NFIA: variants seen among roughly 807,000 people sequenced by gnomAD.
NFIA encodes the protein nuclear factor I A.
Under a neutral mutation model 62.8 loss-of-function variants are expected in NFIA, and 8 were observed. The observed-to-expected ratio is 0.13, with a 90% CI of 0.07 to 0.23. NFIA has a LOEUF of 0.23. Among genes scored for constraint, NFIA ranks in the 10% least tolerant of loss-of-function variants. The pLI is 1.00. For synonymous variants in NFIA, 235 were observed against 238.1 expected, an observed-to-expected ratio of 0.99 and a Z score of 0.12; for missense variants, 410 against 642.1, an observed-to-expected ratio of 0.64 and a Z score of 3.91.
At chr1:61,432,898 C>T (rs544807794) in intron 10 of NFIA, among the ~76,000 whole-genome samples, 107 of 152,234 alleles carry the variant, frequency 7.0e-4, no homozygotes, top group Admixed American at 1.8e-3. Context: ...CCTACACTCG[C>T]TGCAGTACTC....
At chr1:61,376,294 A>G (rs1664146346) in intron 6 of NFIA, among the ~76,000 whole-genome samples, 1 of 152,192 alleles carries the variant, frequency 6.6e-6, no homozygotes. Flanking sequence ...AACAAGTCTT[A>G]AGAGAAGAAT....
At position 61,347,791 on chromosome 1, in the gene NFIA, T is replaced by A. The variant is rs150325993; in HGVS notation, c.701-4659T>A. Among the ~76,000 whole-genome samples, 633 of 152,352 alleles carry A rather than the reference T, an allele frequency of 4.2e-3. 2 individuals are homozygous for A. The highest frequency in any genetic ancestry group is 0.014 in the African/African-American group (586 of 41,586). ...GACAGAGACACTGTGTATCTTTTTA[T>A]CATTTCAAGTTTAAGACAAATACTA... On this transcript the variant is annotated intron_variant, in intron 4 of 10. Coordinates refer to ENST00000403491, the MANE Select transcript of NFIA (RefSeq NM_001134673.4).
intron 2 of NFIA, among the ~76,000 whole-genome samples, chr1:61,189,494 CT>C (rs1348052871): frequency 6.6e-6 from 1 of 151,934 alleles, no homozygotes; most frequent in Non-Finnish European, 1.5e-5. Flanking sequence ...GTGAAACCCC[CT>C]CTCTACTAAA....
chr1:61,253,367 G>A (rs989194284), intron 2 of NFIA: 6 of 152,226 alleles, frequency 3.9e-5, no homozygotes, highest in African/African-American at 1.4e-4. Context: ...TAGGGCACTT[G>A]ACCAAATACA....
intron 2 of NFIA, among the ~76,000 whole-genome samples, chr1:61,197,888 G>A (rs935846627): frequency 3.3e-5 from 5 of 152,104 alleles, no homozygotes; most frequent in Non-Finnish European, 5.9e-5. Flanking sequence ...GGCTGAGGCA[G>A]GAGAATCGCT....
intron 6 of NFIA, among the ~76,000 whole-genome samples, chr1:61,365,253 A>G (rs1268761749): frequency 1.3e-5 from 2 of 152,102 alleles, no homozygotes; most frequent in East Asian, 3.9e-4. Flanking sequence ...GAATTTTAAC[A>G]AGATCTCCCG....
intron 2 of NFIA, among the ~76,000 whole-genome samples, chr1:61,268,421 C>T (rs1657307792): frequency 6.6e-6 from 1 of 152,040 alleles, no homozygotes; most frequent in African/African-American, 2.4e-5. Context: ...CCCCCACCCC[C>T]CGACACCAAT....
At chr1:61,124,571 C>T (rs1302650053) in intron 2 of NFIA, among the ~76,000 whole-genome samples, 4 of 152,034 alleles carry the variant, frequency 2.6e-5, no homozygotes, top group Admixed American at 6.6e-5. Context: ...TCCAGTTCCA[C>T]GTTTGTTGTG....
At chr1:61,442,659 A>G (rs148874677) in intron 10 of NFIA, among the ~76,000 whole-genome samples, 19 of 152,338 alleles carry the variant, frequency 1.2e-4, no homozygotes, top group South Asian at 4.1e-4. Context: ...TGGAAAATGA[A>G]CCAAAGTTTG....
chr1:61,116,255 C>A (rs1646791932), intron 2 of NFIA, among the ~76,000 whole-genome samples: 1 of 152,112 alleles, frequency 6.6e-6, no homozygotes, highest in Admixed American at 6.6e-5. Flanking sequence ...GAAAATGAGA[C>A]CCTAAGTTAA....
chr1:61,108,409 A>T (rs1392111156), intron 2 of NFIA, among the ~76,000 whole-genome samples: 1 of 151,714 alleles, frequency 6.6e-6, no homozygotes, highest in Non-Finnish European at 1.5e-5. Context: ...TCTAGTATAG[A>T]AATACAGTTA....
At chr1:61,323,483 C>T (rs1055318756) in intron 3 of NFIA, among the ~76,000 whole-genome samples, 8 of 152,124 alleles carry the variant, frequency 5.3e-5, no homozygotes, top group Non-Finnish European at 5.9e-5. Flanking sequence ...TTTATTGCTC[C>T]TGTGTTCTTT....
intron 2 of NFIA, among the ~76,000 whole-genome samples, chr1:61,245,229 T>C (rs1348163369): frequency 6.6e-6 from 1 of 152,204 alleles, no homozygotes; most frequent in Non-Finnish European, 1.5e-5. Flanking sequence ...TTGTAGATTA[T>C]GTATGCAGAA....
intron 9 of NFIA, among the ~76,000 whole-genome samples, chr1:61,419,670 A>G (rs768162672): frequency 6.6e-6 from 1 of 152,172 alleles, no homozygotes; most frequent in Non-Finnish European, 1.5e-5. Context: ...CTTAATACAA[A>G]CAGAAATACT....
chr1:61,280,506 A>G (rs1658068330), intron 3 of NFIA, among the ~76,000 whole-genome samples: 1 of 152,196 alleles, frequency 6.6e-6, no homozygotes, highest in Non-Finnish European at 1.5e-5. Flanking sequence ...TTTTTATCCT[A>G]GCTCTTGAGA....
At chr1:61,289,684 G>A (rs1037048434) in intron 3 of NFIA, among the ~76,000 whole-genome samples, 1 of 152,180 alleles carries the variant, frequency 6.6e-6, no homozygotes, top group African/African-American at 2.4e-5. Flanking sequence ...TTGCTGTTTT[G>A]TTCTGAGCAC....
At chr1:61,432,119 T>C (rs1415482032) in intron 10 of NFIA, among the ~76,000 whole-genome samples, 8 of 152,134 alleles carry the variant, frequency 5.3e-5, no homozygotes, top group Admixed American at 5.2e-4. Context: ...GTATAGGAAC[T>C]TTCCAAAGAG....
intron 9 of NFIA, among the ~76,000 whole-genome samples, chr1:61,411,298 C>A (rs1252301263): frequency 6.6e-6 from 1 of 152,034 alleles, no homozygotes; most frequent in African/African-American, 2.4e-5. Context: ...TGGGAAAAAT[C>A]CTTACCAGCG....
At chr1:61,155,859 G>A (rs964434824) in intron 2 of NFIA, among the ~76,000 whole-genome samples, 1 of 152,084 alleles carries the variant, frequency 6.6e-6, no homozygotes, top group African/African-American at 2.4e-5. Context: ...AACCTTGGCT[G>A]GGCGCGGTGG....
Sources: allele counts gnomAD v4.1 joint callset (sites outside exome capture counted in the v4.1 genomes callset), GRCh38; gene constraint gnomAD v4.1.1; transcripts MANE v1.5; gene names NCBI Gene and HGNC (gene_info 2026-07-23, HGNC 2026-07-21).